Variants in SYT17 observed in about 807,000 individuals in gnomAD.
The protein encoded by SYT17 is synaptotagmin 17.
A neutral mutation model predicts 46.7 loss-of-function variants in SYT17; 22 were observed. The ratio of observed to expected loss-of-function variants is 0.47; its 90% CI spans 0.34 to 0.67. The LOEUF is 0.67. Among genes scored for constraint, SYT17 ranks in the 30% least tolerant of loss-of-function variants. The pLI is 0.01. For synonymous variants in SYT17, 251 were observed against 248.4 expected, an observed-to-expected ratio of 1.01 and a Z score of -0.10; for missense variants, 519 against 612.8, an observed-to-expected ratio of 0.85 and a Z score of 1.62.
intron 5 of SYT17, among the ~76,000 whole-genome samples, chr16:19,202,062 C>A (rs916133029): frequency 7.9e-5 from 12 of 152,084 alleles, no homozygotes; most frequent in Admixed American, 3.3e-4. Context: ...CTCATACCAA[C>A]CACTTCTCCA....
At position 19,197,666 on chromosome 16, in the gene SYT17, T is replaced by C. The variant is rs114781631; in HGVS notation, c.951+13519T>C. ...GGTCTTGAGCTTCTAGCTCAAGCAA[T>C]CCACCTGCCTTGGTCTCCCAAAGTG... On this transcript the variant is annotated intron_variant, in intron 5 of 7. Coordinates refer to ENST00000355377, the MANE Select transcript of SYT17 (RefSeq NM_016524.4). Among the ~76,000 whole-genome samples the C allele has an allele frequency of 3.8e-3, 585 of 152,222 alleles. 5 individuals are homozygous for C. Among genetic ancestry groups the C allele is most frequent in the African/African-American group, 0.014 (565 of 41,528 alleles).
At position 19,267,824 on chromosome 16, in the gene SYT17, G is replaced by A. The variant is rs1442606575; in HGVS notation, c.*748G>A. On this transcript the variant is annotated 3_prime_UTR_variant, in exon 8 of 8. Transcript: ENST00000355377. ...GCCTATGTGTCCTCTTGGAGAGCAT[G>A]GCGATGGGCCAGGACCTCAGCCCTG... 5 of 152,280 alleles carry A rather than the reference G, an allele frequency of 3.3e-5. No individual in the cohort carries two copies. Among genetic ancestry groups the A allele is most frequent in the Admixed American group, 3.3e-4 (5 of 15,280 alleles). 9.4% of individuals were successfully genotyped at this position (152,280 alleles called of 1,614,324 possible). A position where few individuals can be genotyped will look rare whatever the true frequency, so the allele number is the denominator to read the frequency against.
At chr16:19,250,359 T>TTTTG (rs375610952) in intron 7 of SYT17, among the ~76,000 whole-genome samples, 1 of 132,468 alleles carries the variant, frequency 7.5e-6, no homozygotes, top group African/African-American at 2.8e-5. Context: ...TCAAACATGT[T>TTTTG]TGTGTGTGTG....
At chr16:19,232,606 G>T (rs747441658) in intron 7 of SYT17, among the ~76,000 whole-genome samples, 3 of 152,060 alleles carry the variant, frequency 2.0e-5, no homozygotes, top group East Asian at 1.9e-4. Context: ...TGAAGGGGGC[G>T]GATCGTTTGA....
intron 7 of SYT17, among the ~76,000 whole-genome samples, chr16:19,251,500 T>A (rs1968064023): frequency 6.6e-6 from 1 of 152,216 alleles, no homozygotes; most frequent in Non-Finnish European, 1.5e-5. Context: ...CTGTGGTGTG[T>A]GTCTGAGTTC....
intron 5 of SYT17, among the ~76,000 whole-genome samples, chr16:19,210,295 G>T (rs964272552): frequency 6.6e-6 from 1 of 151,840 alleles, no homozygotes; most frequent in Non-Finnish European, 1.5e-5. Flanking sequence ...CTGAACTCCC[G>T]GCTTCAAGTG....
At position 19,267,201 on chromosome 16, in the gene SYT17, A is replaced by G; in HGVS notation, c.*125A>G. The G allele has an allele frequency of 3.8e-6, 3 of 796,286 alleles. No individual in the cohort carries two copies. The highest frequency in any genetic ancestry group is 4.2e-5 in the South Asian group (2 of 48,006). 49.3% of individuals were successfully genotyped at this position (796,286 alleles called of 1,614,324 possible). On this transcript the variant is annotated 3_prime_UTR_variant, in exon 8 of 8. Transcript: ENST00000355377. ...GCAACATGTCTACACACGTCCACACACACAGACACACAGATACCCCAAATC... is the reference window on the plus strand; with the variant it reads ...GCAACATGTCTACACACGTCCACACGCACAGACACACAGATACCCCAAATC...
chr16:19,225,328 T>G (rs887477749), intron 7 of SYT17, among the ~76,000 whole-genome samples: 1 of 152,102 alleles, frequency 6.6e-6, no homozygotes, highest in African/African-American at 2.4e-5. Context: ...AAAAGGGATT[T>G]TTAAAGTCTT....
Position 19,266,877 on chromosome 16 carries a change from T to A in SYT17, c.1229-3T>A, listed in dbSNP as rs200731684. ...TCCTGCCCTCAACCCTCTGGCTCCC[T>A]AGTTTTCGGCCACAACATGAAGAGC... On this transcript the variant is annotated splice_region_variant and splice_polypyrimidine_tract_variant and intron_variant, in intron 7 of 7. Transcript: ENST00000355377. 22 of 1,611,914 alleles carry A rather than the reference T, an allele frequency of 1.4e-5. No individual in the cohort carries two copies. The highest frequency in any genetic ancestry group is 1.0e-4 in the Admixed American group (6 of 59,944).
chr16:19,241,615 T>C (rs1285432460), intron 7 of SYT17, among the ~76,000 whole-genome samples: 1 of 152,134 alleles, frequency 6.6e-6, no homozygotes, highest in African/African-American at 2.4e-5. Flanking sequence ...GCTCTCCCAC[T>C]GGTGGATGGC....
chr16:19,183,793 C>T lies in SYT17; in HGVS notation c.597C>T (p.Asn199=). Residue 199 remains asparagine, a synonymous_variant, in exon 5 of 8, where the codon AAC becomes AAT. Coordinates refer to ENST00000355377, the MANE Select transcript of SYT17 (RefSeq NM_016524.4). The surrounding 1 kb of genome is among the most constrained non-coding windows in gnomAD (Gnocchi z 5.6). The part of the protein sequence containing the change: ...HFSTQYDLLH[N]HLTVRVIEAR... ...GCACTCAGTACGACCTGCTGCACAACCACCTCACCGTGCGCGTGATCGAGG... is the reference window on the plus strand; with the variant it reads ...GCACTCAGTACGACCTGCTGCACAATCACCTCACCGTGCGCGTGATCGAGG... The T allele has an allele frequency of 6.2e-7, 1 of 1,614,232 alleles. No homozygotes were observed. Among genetic ancestry groups the T allele is most frequent in the Non-Finnish European group, 8.5e-7 (1 of 1,180,048 alleles).
chr16:19,247,575 A>G (rs1485472776), intron 7 of SYT17, among the ~76,000 whole-genome samples: 2 of 152,222 alleles, frequency 1.3e-5, no homozygotes, highest in African/African-American at 2.4e-5. Context: ...GAAGCATCCA[A>G]TTGAGACAGA....
chr16:19,185,212 C>A (rs1964736671), intron 5 of SYT17, among the ~76,000 whole-genome samples: 1 of 151,932 alleles, frequency 6.6e-6, no homozygotes, highest in Non-Finnish European at 1.5e-5. Flanking sequence ...TCTCCCTGTC[C>A]TGTGGGATGG....
chr16:19,194,311 C>T (rs766287447), intron 5 of SYT17, among the ~76,000 whole-genome samples: 3 of 152,160 alleles, frequency 2.0e-5, no homozygotes, highest in Non-Finnish European at 4.4e-5. Context: ...CTCCCCTCAC[C>T]CCTTTTACAT....
At chr16:19,172,961 A>T (rs1465567531) in intron 2 of SYT17, 184 bp downstream of exon 2, 10 of 699,882 alleles carry the variant, frequency 1.4e-5, no homozygotes, top group Non-Finnish European at 2.1e-5. Context: ...ACACCAGTTG[A>T]CAAGACAAGT....
At chr16:19,179,790 G>A (rs1964473664) in intron 3 of SYT17, among the ~76,000 whole-genome samples, 1 of 152,058 alleles carries the variant, frequency 6.6e-6, no homozygotes, top group Non-Finnish European at 1.5e-5. Flanking sequence ...CAATTTCTCA[G>A]CAGTTCTTTA....
chr16:19,238,081 A>C (rs1410708246), intron 7 of SYT17, among the ~76,000 whole-genome samples: 1 of 152,224 alleles, frequency 6.6e-6, no homozygotes, highest in Non-Finnish European at 1.5e-5. Flanking sequence ...CCACTGTGTT[A>C]ATGGCAGATT....
rs557765484 is a variant in SYT17 at position 19,220,627 on chromosome 16, G to A, written c.952-2418G>A. On this transcript the variant is annotated intron_variant, in intron 5 of 7. Transcript: ENST00000355377. ...AATGACACTTCTTGAAGTATGGCAA[G>A]GCAGAATTTATTGAGGACCATCATG... is the stretch of plus-strand genomic sequence containing the variant. 2.6e-5 allele frequency among the ~76,000 whole-genome samples: 4 copies of A among 152,212 alleles called. No individual in the cohort carries two copies. In the East Asian group the frequency reaches 5.8e-4, roughly 22 times the overall value.
At chr16:19,193,867 A>G (rs1965127203) in intron 5 of SYT17, among the ~76,000 whole-genome samples, 1 of 152,180 alleles carries the variant, frequency 6.6e-6, no homozygotes, top group African/African-American at 2.4e-5. Flanking sequence ...GGGCACCTCC[A>G]ACTTGCCTTG....
Sources: allele counts gnomAD v4.1 joint callset (sites outside exome capture counted in the v4.1 genomes callset), GRCh38; gene constraint gnomAD v4.1.1; non-coding constraint Gnocchi (gnomAD v3.1); transcripts MANE v1.5; gene names NCBI Gene and HGNC (gene_info 2026-07-23, HGNC 2026-07-21).